The following NNT variants were observed in gnomAD, a reference collection of about 807,000 sequenced individuals.
NNT encodes nicotinamide nucleotide transhydrogenase.
NNT carries 50 observed loss-of-function variants against 104.8 expected under a neutral mutation model. The observed-to-expected ratio is 0.48, with a 90% CI of 0.38 to 0.60. The LOEUF (loss-of-function observed/expected upper bound fraction) is 0.60. Ranked by LOEUF, NNT falls within the 20% of genes least tolerant of loss-of-function variation. The probability of loss-of-function intolerance (pLI) is 0.00; values close to 1 mark genes in which losing one functional copy is unlikely to be tolerated. For synonymous variants in NNT, 461 were observed against 490.4 expected, an observed-to-expected ratio of 0.94 and a Z score of 0.79; for missense variants, 1,131 against 1,330.7, an observed-to-expected ratio of 0.85 and a Z score of 2.33.
At chr5:43,654,900 T>C (rs1042276844) in intron 14 of NNT, among the ~76,000 whole-genome samples, 1 of 152,174 alleles carries the variant, frequency 6.6e-6, no homozygotes, top group Non-Finnish European at 1.5e-5. Flanking sequence ...TGAAGGAAAA[T>C]GTTTGCTCTG....
chr5:43,704,219 T>C, intron 21 of NNT, 36 bp from the exon 22 acceptor site: 1 of 1,525,056 alleles, frequency 6.6e-7, no homozygotes, highest in Non-Finnish European at 8.8e-7. Flanking sequence ...GGTTGGTCTG[T>C]TAAATACACT....
chr5:43,617,600 C>A (rs1027201988), intron 4 of NNT, among the ~76,000 whole-genome samples: 1 of 152,186 alleles, frequency 6.6e-6, no homozygotes, highest in South Asian at 2.1e-4. Context: ...ACTTCCACTT[C>A]ATTACTGTTC....
At chr5:43,636,321 G>A (rs1269017210) in intron 7 of NNT, among the ~76,000 whole-genome samples, 2 of 152,096 alleles carry the variant, frequency 1.3e-5, no homozygotes, top group Non-Finnish European at 2.9e-5. Context: ...AGGATTATGT[G>A]GACCATTGAA....
At chr5:43,617,740 T>A (rs912928949) in intron 4 of NNT, among the ~76,000 whole-genome samples, 1 of 152,238 alleles carries the variant, frequency 6.6e-6, no homozygotes, top group East Asian at 1.9e-4. Flanking sequence ...ACTGAATCTT[T>A]TAGAGCATTA....
chr5:43,665,948 C>T (rs529084748), intron 17 of NNT, among the ~76,000 whole-genome samples: 1 of 151,794 alleles, frequency 6.6e-6, no homozygotes, highest in Non-Finnish European at 1.5e-5. Context: ...TCCTCAGTTC[C>T]CAGACGGGGT....
chr5:43,607,934 A>G (rs926035405), intron 1 of NNT, among the ~76,000 whole-genome samples: 2 of 98,166 alleles, frequency 2.0e-5, no homozygotes, highest in East Asian at 2.1e-4. Flanking sequence ...GCTGCTTTCT[A>G]TTCTTTTTTT....
At chr5:43,671,797 A>T (rs1365358850) in intron 17 of NNT, among the ~76,000 whole-genome samples, 1 of 152,034 alleles carries the variant, frequency 6.6e-6, no homozygotes, top group African/African-American at 2.4e-5. Flanking sequence ...TCTCTGTGGT[A>T]TTCTCTGTAT....
In NNT at chr5:43,704,329, G is replaced by C; in HGVS notation, c.3186G>C (p.Thr1062=). 1 of 1,612,408 alleles carries C rather than the reference G, an allele frequency of 6.2e-7. No individual in the cohort carries two copies. The highest frequency in any genetic ancestry group is 8.5e-7 in the Non-Finnish European group (1 of 1,179,214). Residue 1062 remains threonine, a synonymous_variant, in exon 22 of 22, where the codon ACG becomes ACC. Coordinates refer to ENST00000344920, the MANE Select transcript of NNT (RefSeq NM_182977.3). ...ATCCAATCTTCTACAAACCTAACACGGCCATGCTTCTAGGTGATGCCAAGA... is the reference window on the plus strand; with the variant it reads ...ATCCAATCTTCTACAAACCTAACACCGCCATGCTTCTAGGTGATGCCAAGA... The part of the protein sequence containing the change: ...VDNPIFYKPN[T]AMLLGDAKKT...
At chr5:43,680,891 G>A (rs998258532) in intron 19 of NNT, among the ~76,000 whole-genome samples, 1 of 152,028 alleles carries the variant, frequency 6.6e-6, no homozygotes, top group African/African-American at 2.4e-5. Flanking sequence ...AAGAGCCACA[G>A]ATATTTTGTC....
chr5:43,699,407 G>A (rs978663373), intron 19 of NNT, among the ~76,000 whole-genome samples: 1 of 139,980 alleles, frequency 7.1e-6, no homozygotes, highest in Non-Finnish European at 1.5e-5. Context: ...AGGCTGGAGT[G>A]CAGTGGCACA....
chr5:43,607,627 A>T (rs532930704), intron 1 of NNT, among the ~76,000 whole-genome samples: 1 of 152,164 alleles, frequency 6.6e-6, no homozygotes, highest in East Asian at 1.9e-4. Flanking sequence ...AATTTTTTGT[A>T]TTTTTAGTAG....
chr5:43,684,737 A>G (rs1741894719), intron 19 of NNT, among the ~76,000 whole-genome samples: 1 of 152,170 alleles, frequency 6.6e-6, no homozygotes, highest in Admixed American at 6.6e-5. Context: ...TTAAAAAAAA[A>G]ACCTTTTCCT....
At position 43,644,582 on chromosome 5, in the gene NNT, C is replaced by A. The variant is rs563886287; in HGVS notation, c.1099-29C>A. 2.2e-5 allele frequency: 35 copies of A among 1,570,702 alleles called. 1 individual carries two copies. The South Asian group carries it at 3.9e-4, about 18-fold the overall frequency. ...ATGAATGTGAACATAGGGTGATAGA[C>A]CTTTTTGACTATAATTTTGTTCATT... On this transcript the variant is annotated intron_variant, in intron 8 of 21. Coordinates refer to ENST00000344920, the MANE Select transcript of NNT (RefSeq NM_182977.3).
chr5:43,629,940 A>T (rs1750594245), intron 7 of NNT, among the ~76,000 whole-genome samples: 1 of 151,964 alleles, frequency 6.6e-6, no homozygotes, highest in African/African-American at 2.4e-5. Context: ...GTTTACTCTG[A>T]TTATTTCTTT....
chr5:43,604,378 AACAG>A (rs1307507024), intron 1 of NNT, among the ~76,000 whole-genome samples: 4 of 152,070 alleles, frequency 2.6e-5, no homozygotes, highest in South Asian at 2.1e-4. Context: ...ACTTTTTATT[AACAG>A]ACAGTTTAGG....
rs200801294 is a variant in NNT at position 43,651,793 on chromosome 5, C to A, written c.1772C>A (p.Pro591His). 1 of 1,614,056 alleles carries A rather than the reference C, an allele frequency of 6.2e-7. No individual in the cohort carries two copies. The highest frequency in any genetic ancestry group is 8.5e-7 in the Non-Finnish European group (1 of 1,180,008). ...MLDMFKRPTD[P>H]PEYNYLYLLP... ...GACATGTTCAAGCGTCCCACTGACC[C>A]CCCAGAATACAACTACCTGTACCTG... Residue 591 changes from proline to histidine, a missense_variant, in exon 13 of 22, where the codon CCC becomes CAC. Transcript: ENST00000344920.
rs1245517310 is a variant in NNT at position 43,691,070 on chromosome 5, A to AGAGAGAGAGAGT, written c.2877-9048_2877-9047insAGAGAGAGAGTG. Among the ~76,000 whole-genome samples, 1,189 of 137,482 alleles carry AGAGAGAGAGAGT rather than the reference A, an allele frequency of 8.6e-3. 11 individuals are homozygous for AGAGAGAGAGAGT. Among genetic ancestry groups the AGAGAGAGAGAGT allele is most frequent in the African/African-American group, 0.027 (987 of 36,490 alleles). The allele number at this position is 137,482 out of a possible 152,430, so 90.2% of individuals were successfully genotyped here. A position where few individuals can be genotyped will look rare whatever the true frequency, so the allele number is the denominator to read the frequency against. ...AACTGATCCAGAATTTTTTTGAGAG[A>AGAGAGAGAGAGT]GTGTGTGTGTGTGTGTGTGTGTGTG... On this transcript the variant is annotated intron_variant, in intron 19 of 21. Coordinates refer to ENST00000344920, the MANE Select transcript of NNT (RefSeq NM_182977.3).
chr5:43,604,373 T>C (rs1311373238), intron 1 of NNT, among the ~76,000 whole-genome samples: 1 of 152,200 alleles, frequency 6.6e-6, no homozygotes, highest in African/African-American at 2.4e-5. Flanking sequence ...CCTTGACTTT[T>C]TATTAACAGA....
intron 17 of NNT, among the ~76,000 whole-genome samples, chr5:43,672,677 G>A (rs1264011193): frequency 6.6e-6 from 1 of 152,196 alleles, no homozygotes; most frequent in Non-Finnish European, 1.5e-5. Flanking sequence ...AGCCATGTGA[G>A]GTGTCAGTCT....
Sources: gnomAD v4.1 joint callset for allele counts (sites outside exome capture counted in the v4.1 genomes callset) on GRCh38, gnomAD v4.1.1 for gene constraint, MANE v1.5 for transcripts, NCBI Gene and HGNC (gene_info 2026-07-23, HGNC 2026-07-21) for gene names.